Variants in SAMD5 observed in about 807,000 individuals in gnomAD.
The protein encoded by SAMD5 is sterile alpha motif domain-containing protein 5.
Under a neutral mutation model 11.3 loss-of-function variants are expected in SAMD5, and 13 were observed. That is an observed-to-expected ratio of 1.15 (90% CI 0.75 to 1.83). The LOEUF (loss-of-function observed/expected upper bound fraction) is 1.83, where lower values mean the gene tolerates loss of function less well. Among genes scored for constraint, SAMD5 ranks in the 40% most tolerant of loss-of-function variants. The probability of loss-of-function intolerance (pLI) is 0.00; values close to 1 mark genes in which losing one functional copy is unlikely to be tolerated. For missense variants in SAMD5, 255 were observed against 239.1 expected, an observed-to-expected ratio of 1.07 and a Z score of -0.44; for synonymous variants, 129 against 111.3, an observed-to-expected ratio of 1.16 and a Z score of -1.00.
chr6:147,569,403 T>C lies in SAMD5; in HGVS notation c.*4947T>C, dbSNP rs1179077445. ...GCTAAATTCCATGTTAAGAGCTAAG[T>C]AGTATTTTTTTCTTAACAATTTTGC... On this transcript the variant is annotated 3_prime_UTR_variant, in exon 2 of 2. Coordinates refer to ENST00000367474, the MANE Select transcript of SAMD5 (RefSeq NM_001030060.3). The C allele has an allele frequency of 3.1e-6, 3 of 960,246 alleles. No individual in the cohort carries two copies. Among genetic ancestry groups the C allele is most frequent in the Non-Finnish European group, 3.7e-6 (3 of 807,134 alleles). 59.5% of individuals were successfully genotyped at this position (960,246 alleles called of 1,614,324 possible).
At chr6:147,934,945 T>A in the SAMD5 span, among the ~76,000 whole-genome samples, 1 of 152,166 alleles carries the variant, frequency 6.6e-6, no homozygotes, top group African/African-American at 2.4e-5. Context: ...TCCCTCCTTG[T>A]GAGCCAAAGG....
intron 1 of SAMD5, among the ~76,000 whole-genome samples, chr6:147,717,439 C>CAGTG (rs1791484159): frequency 6.6e-6 from 1 of 152,106 alleles, no homozygotes; most frequent in Admixed American, 6.5e-5. Context: ...TTAGGCAGTG[C>CAGTG]AGTGAGGAAT....
At chr6:147,570,875 A>G (rs2128445310), downstream of SAMD5, among the ~76,000 whole-genome samples, 1 of 152,326 alleles carries the variant, frequency 6.6e-6, no homozygotes, top group Non-Finnish European at 1.5e-5. Flanking sequence ...CATGCCCATG[A>G]TAACACCCCA....
intron 1 of SAMD5, among the ~76,000 whole-genome samples, chr6:147,536,274 C>T (rs1055208068): frequency 3.9e-5 from 6 of 152,166 alleles, no homozygotes; most frequent in Admixed American, 1.3e-4. Context: ...TGAGCCACTG[C>T]GTCCGGCCAA....
the SAMD5 span, among the ~76,000 whole-genome samples, chr6:147,763,822 T>C: frequency 6.6e-6 from 1 of 152,208 alleles, no homozygotes; most frequent in Non-Finnish European, 1.5e-5. Flanking sequence ...GACCTCGTGG[T>C]CCGCCTGCCT....
At chr6:147,627,494 G>A (rs565331794) in intron 1 of SAMD5, among the ~76,000 whole-genome samples, 1 of 152,256 alleles carries the variant, frequency 6.6e-6, no homozygotes, top group South Asian at 2.1e-4. Context: ...TCAAAAGAAG[G>A]AATATTTCTA....
At chr6:147,803,657 C>T in the SAMD5 span, among the ~76,000 whole-genome samples, 1 of 152,266 alleles carries the variant, frequency 6.6e-6, no homozygotes, top group South Asian at 2.1e-4. Flanking sequence ...GTACACTCAC[C>T]CTCCAGCATG....
At chr6:147,606,618 A>T (rs971480760) in intron 1 of SAMD5, among the ~76,000 whole-genome samples, 1 of 151,960 alleles carries the variant, frequency 6.6e-6, no homozygotes, top group African/African-American at 2.4e-5. Context: ...TGGGTAACAG[A>T]TAGAGGAATC....
In SAMD5 at chr6:147,568,711, C is replaced by A. The variant is rs544816262; in HGVS notation, c.*4255C>A. 1.0e-6 allele frequency: 1 copy of A among 984,770 alleles called. No homozygotes were observed. The allele number at this position is 984,770 out of a possible 1,614,324, so 61.0% of individuals were successfully genotyped here. ...ATTAGGCTTTCTCTTTTAGAGTTTT[C>A]TAATTTTACTCTTATTAGCTCCCTC... On this transcript the variant is annotated 3_prime_UTR_variant, in exon 2 of 2. Transcript: ENST00000367474.
At chr6:147,632,133 T>C (rs1263909292) in intron 1 of SAMD5, among the ~76,000 whole-genome samples, 1 of 152,112 alleles carries the variant, frequency 6.6e-6, no homozygotes, top group Non-Finnish European at 1.5e-5. Context: ...GCTACCTGCT[T>C]TTTTAGCTAC....
chr6:147,656,559 C>T (rs950765003), intron 1 of SAMD5, among the ~76,000 whole-genome samples: 10 of 151,960 alleles, frequency 6.6e-5, no homozygotes, highest in African/African-American at 1.5e-4. Flanking sequence ...ACTTTATGAA[C>T]GAATGAGCAA....
the SAMD5 span, among the ~76,000 whole-genome samples, chr6:147,930,268 A>C: frequency 6.6e-6 from 1 of 152,114 alleles, no homozygotes; most frequent in African/African-American, 2.4e-5. Context: ...TACAACACTT[A>C]ACTAGTCTCT....
chr6:147,603,335 T>C (rs1383139736), intron 1 of SAMD5, among the ~76,000 whole-genome samples: 1 of 152,212 alleles, frequency 6.6e-6, no homozygotes, highest in Non-Finnish European at 1.5e-5. Flanking sequence ...CATGGAGGTA[T>C]ATATAGATGT....
the SAMD5 span, among the ~76,000 whole-genome samples, chr6:147,937,266 T>A: frequency 6.6e-6 from 1 of 152,172 alleles, no homozygotes; most frequent in Admixed American, 6.5e-5. Context: ...AGAAGAGGAA[T>A]CTTGTTCTTG....
chr6:147,634,297 C>T (rs1225515264), intron 1 of SAMD5, among the ~76,000 whole-genome samples: 1 of 152,124 alleles, frequency 6.6e-6, no homozygotes, highest in African/African-American at 2.4e-5. Flanking sequence ...AGGAAGGAAG[C>T]CCCTCTTAGA....
At chr6:147,545,087 G>A (rs984150465) in intron 1 of SAMD5, among the ~76,000 whole-genome samples, 1 of 152,156 alleles carries the variant, frequency 6.6e-6, no homozygotes, top group African/African-American at 2.4e-5. Context: ...ATTTGCTGTT[G>A]CGTTTGCATT....
the SAMD5 span, among the ~76,000 whole-genome samples, chr6:147,938,547 A>T: frequency 6.6e-6 from 1 of 152,198 alleles, no homozygotes; most frequent in Non-Finnish European, 1.5e-5. Flanking sequence ...GCCAGCACCC[A>T]TCCTCATTCG....
intron 1 of SAMD5, among the ~76,000 whole-genome samples, chr6:147,731,706 TTTCC>T (rs1410290517): frequency 4.8e-5 from 5 of 105,096 alleles, no homozygotes; most frequent in Non-Finnish European, 7.4e-5. Flanking sequence ...CCCTCCCTCC[TTTCC>T]TTCCTTCCTT....
At chr6:147,950,708 C>A in the SAMD5 span, among the ~76,000 whole-genome samples, 5 of 152,066 alleles carry the variant, frequency 3.3e-5, no homozygotes, top group African/African-American at 1.2e-4. Context: ...TCACTGAATC[C>A]AAACGTTTGG....
Sources: gnomAD v4.1 joint callset for allele counts (sites outside exome capture counted in the v4.1 genomes callset) on GRCh38, gnomAD v4.1.1 for gene constraint, MANE v1.5 for transcripts, NCBI Gene and HGNC (gene_info 2026-07-23, HGNC 2026-07-21) for gene names.